The following PGM3 variants were observed in gnomAD, a reference collection of about 807,000 sequenced individuals.
PGM3 encodes the protein phosphoacetylglucosamine mutase.
In PGM3, 40 loss-of-function variants were observed where a neutral mutation model predicts 66.2. That is an observed-to-expected ratio of 0.60 (90% CI 0.47 to 0.79). The LOEUF (loss-of-function observed/expected upper bound fraction) is 0.79, where lower values mean the gene tolerates loss of function less well. PGM3 is among the 30% of genes least tolerant of loss of function. The pLI is 0.00. For missense variants in PGM3, 537 were observed against 643.4 expected (o/e 0.83, Z 1.79); for synonymous variants, 191 against 224.2 (o/e 0.85, Z 1.32).
At chr6:83,157,157 T>G (rs1330005051), downstream of PGM3, 2 of 1,603,256 alleles carry the variant, frequency 1.2e-6, no homozygotes, top group East Asian at 2.2e-5. Context: ...ATTTAGTTAT[T>G]GAAAATGCTC....
intron 3 of PGM3, among the ~76,000 whole-genome samples, chr6:83,187,955 G>C (rs140656461): frequency 6.6e-6 from 1 of 152,102 alleles, no homozygotes; most frequent in African/African-American, 2.4e-5. Flanking sequence ...TACCATCGTC[G>C]GTATCTGGAA....
At chr6:83,184,483 G>T (rs1028483789) in intron 4 of PGM3, among the ~76,000 whole-genome samples, 1 of 152,120 alleles carries the variant, frequency 6.6e-6, no homozygotes, top group Admixed American at 6.5e-5. Context: ...TTTACTAGAG[G>T]AACCCATTAT....
intron 3 of PGM3, chr6:83,188,406 T>C (rs1304837901): frequency 2.1e-6 from 1 of 466,224 alleles, no homozygotes; most frequent in Non-Finnish European, 3.8e-6. Context: ...GGTTTTGGAG[T>C]AGGGTTTTAA....
chr6:83,170,670 C>A (rs1442805291), intron 11 of PGM3, 192 bp from the exon 12 acceptor site: 2 of 529,728 alleles, frequency 3.8e-6, no homozygotes, highest in South Asian at 3.0e-5. Flanking sequence ...TAAAGAATTA[C>A]CTTTGGCAAA....
chr6:83,187,965 AAACCCTCTGGT>A (rs958227496), intron 3 of PGM3, among the ~76,000 whole-genome samples: 1 of 152,202 alleles, frequency 6.6e-6, no homozygotes, highest in Admixed American at 6.5e-5. Context: ...GGTATCTGGA[AAACCCTCTGGT>A]AATACAACAG....
chr6:83,158,291 A>T (rs139387528), downstream of PGM3, among the ~76,000 whole-genome samples: 2 of 152,040 alleles, frequency 1.3e-5, no homozygotes, highest in Non-Finnish European at 2.9e-5. Flanking sequence ...GTGAGCCACC[A>T]CACCAGACCT....
rs1181130005 is a variant in PGM3, at chr6:83,167,996, C to G, written c.*1238G>C. On this transcript the variant is annotated 3_prime_UTR_variant, in exon 13 of 13. Transcript: ENST00000513973. Reference sequence around the variant, plus strand: ...ATGTGCTCAGTCAAGTCTTCAACAGCAAAGTCACAAGCCGATGTGGAGGAC... The same window carrying G: ...ATGTGCTCAGTCAAGTCTTCAACAGGAAAGTCACAAGCCGATGTGGAGGAC... 2.5e-6 allele frequency: 4 copies of G among 1,614,172 alleles called. No homozygotes were observed. Among genetic ancestry groups the G allele is most frequent in the Non-Finnish European group, 3.4e-6 (4 of 1,180,030 alleles).
intron 4 of PGM3, among the ~76,000 whole-genome samples, chr6:83,184,829 G>A (rs1788453382): frequency 6.6e-6 from 1 of 152,062 alleles, no homozygotes; most frequent in African/African-American, 2.4e-5. Flanking sequence ...TCCTTCAATG[G>A]AGTCCCATTG....
chr6:83,162,697 T>A, downstream of PGM3: 1 of 1,368,388 alleles, frequency 7.3e-7, no homozygotes. Flanking sequence ...TTATAAGCAG[T>A]GGGGTCATGA....
the PGM3 span, chr6:83,151,855 A>G: frequency 1.2e-6 from 2 of 1,609,426 alleles, no homozygotes; most frequent in Middle Eastern, 1.7e-4. Context: ...TGTGTACCAT[A>G]CATAGTTGTT....
Position 83,169,204 on chromosome 6 carries a change from T to C in PGM3, c.*30A>G, listed in dbSNP as rs757016467. 4.3e-6 allele frequency: 7 copies of C among 1,612,940 alleles called. No homozygotes were observed. In the Admixed American group the frequency reaches 1.0e-4, roughly 23 times the overall value. On this transcript the variant is annotated 3_prime_UTR_variant, in exon 13 of 13. Coordinates refer to ENST00000513973, the MANE Select transcript of PGM3 (RefSeq NM_015599.3). ...CAGTTTTGTAAAGACTTGTAAAAAG[T>C]CCAGTTTCTCAGGAATATGAAAATT...
chr6:83,174,326 T>G (rs376204515), intron 10 of PGM3, 48 bp downstream of exon 10: 27 of 982,096 alleles, frequency 2.7e-5, no homozygotes, highest in Non-Finnish European at 4.0e-5. Context: ...GTCCATCTTC[T>G]GAATAATGTA....
the PGM3 span, chr6:83,152,132 C>T: frequency 2.0e-4 from 258 of 1,318,934 alleles, no homozygotes; most frequent in Admixed American, 2.0e-3. Context: ...TCCCTTTTCT[C>T]ATGTCTAACA....
At chr6:83,163,052 G>T, downstream of PGM3, 1 of 951,492 alleles carries the variant, frequency 1.1e-6, no homozygotes, top group Non-Finnish European at 1.5e-6. Context: ...CCCCAGTTTT[G>T]AGAGTTAATG....
chr6:83,174,395 G>A lies in PGM3; in HGVS notation c.1221C>T (p.Asn407=). Residue 407 remains asparagine (N), a synonymous_variant, in exon 10 of 13, where the codon AAC becomes AAT. Coordinates refer to ENST00000513973, the MANE Select transcript of PGM3 (RefSeq NM_015599.3). The part of the protein sequence containing the change: ...KKRKAAKMLE[N]IIDLFNQAAG... ...TGACCTGGTTAAACAAGTCAATAAT[G>A]TTTTCAAGCATCTTAGCAGCTTTTC... 6.3e-7 allele frequency: 1 copy of A among 1,593,790 alleles called. No homozygotes were observed. Among genetic ancestry groups the A allele is most frequent in the Non-Finnish European group, 8.6e-7 (1 of 1,163,880 alleles).
At chr6:83,159,833 T>C (rs1161041616), downstream of PGM3, 12 of 1,614,164 alleles carry the variant, frequency 7.4e-6, no homozygotes, top group Non-Finnish European at 1.0e-5. Context: ...GGAGACAACG[T>C]ACACAGGAGG....
chr6:83,154,323 C>A, the PGM3 span: 1 of 1,272,682 alleles, frequency 7.9e-7, no homozygotes, highest in Non-Finnish European at 1.1e-6. Flanking sequence ...TTTCTGGAGA[C>A]TAGGAGACTA....
In PGM3 at chr6:83,167,269, C is replaced by T; in HGVS notation, c.*1965G>A. The T allele has an allele frequency of 8.1e-6, 8 of 984,528 alleles. No homozygotes were observed. Among genetic ancestry groups the T allele is most frequent in the Non-Finnish European group, 9.6e-6 (8 of 829,110 alleles). 61.0% of individuals were successfully genotyped at this position (984,528 alleles called of 1,614,324 possible). A position where few individuals can be genotyped will look rare whatever the true frequency, so the allele number is the denominator to read the frequency against. On this transcript the variant is annotated 3_prime_UTR_variant, in exon 13 of 13. Coordinates refer to ENST00000513973, the MANE Select transcript of PGM3 (RefSeq NM_015599.3). ...TCCTTTGACTCCAGGTCCAGCTTTC[C>T]TCCCTATGTTGTTTAGCACAACCCA...
chr6:83,174,550 T>C, intron 9 of PGM3, 63 bp from the exon 10 acceptor site: 1 of 802,542 alleles, frequency 1.2e-6, no homozygotes, highest in Non-Finnish European at 1.9e-6. Context: ...ATAAGTACTA[T>C]TATTCTAGCT....
Sources: gnomAD v4.1 joint callset for allele counts (sites outside exome capture counted in the v4.1 genomes callset) on GRCh38, gnomAD v4.1.1 for gene constraint, MANE v1.5 for transcripts, NCBI Gene and HGNC (gene_info 2026-07-23, HGNC 2026-07-21) for gene names.